Variants in COL28A1 observed in about 807,000 individuals in gnomAD.
The protein encoded by COL28A1 is collagen alpha-1(XXVIII) chain.
A neutral mutation model predicts 150.2 loss-of-function variants in COL28A1; 161 were observed. The observed-to-expected ratio is 1.07, with a 90% confidence interval of 0.94 to 1.22. The LOEUF (loss-of-function observed/expected upper bound fraction) is 1.22. Ranked by LOEUF, COL28A1 falls within the 50% of genes most tolerant of loss-of-function variation. COL28A1 has a pLI of 0.00. For synonymous variants in COL28A1, 552 were observed against 469.7 expected (o/e 1.18, Z -2.26); for missense variants, 1,617 against 1,388.3 (o/e 1.16, Z -2.62).
chr7:7,363,209 G>A (rs936573646), intron 33 of COL28A1, among the ~76,000 whole-genome samples: 1 of 152,152 alleles, frequency 6.6e-6, no homozygotes, highest in Non-Finnish European at 1.5e-5. Context: ...TTCCATTGAA[G>A]AGGCGGGCTA....
At chr7:7,463,778 G>C (rs144764729) in intron 15 of COL28A1, among the ~76,000 whole-genome samples, 1 of 152,116 alleles carries the variant, frequency 6.6e-6, no homozygotes, top group East Asian at 1.9e-4. Flanking sequence ...AGGTATATAG[G>C]CAAAAAATAG....
At chr7:7,542,704 G>T in the COL28A1 span, among the ~76,000 whole-genome samples, 3 of 152,164 alleles carry the variant, frequency 2.0e-5, no homozygotes, top group Non-Finnish European at 4.4e-5. Context: ...ACAATTTTAA[G>T]CAGGGTTGTG....
At chr7:7,395,943 T>C (rs1420544423) in intron 27 of COL28A1, among the ~76,000 whole-genome samples, 1 of 152,232 alleles carries the variant, frequency 6.6e-6, no homozygotes, top group Non-Finnish European at 1.5e-5. Flanking sequence ...AGGATTAAGA[T>C]GTTGACTTAG....
At chr7:7,433,533 C>T (rs1785129261) in intron 23 of COL28A1, among the ~76,000 whole-genome samples, 1 of 151,298 alleles carries the variant, frequency 6.6e-6, no homozygotes, top group African/African-American at 2.4e-5. Context: ...ACTCAGGAGG[C>T]TGAGGCAGGA....
chr7:7,400,072 A>C (rs1236555603), intron 27 of COL28A1, among the ~76,000 whole-genome samples: 1 of 152,238 alleles, frequency 6.6e-6, no homozygotes, highest in Non-Finnish European at 1.5e-5. Flanking sequence ...TTTTCCATTT[A>C]TCAGTTCATT....
At chr7:7,475,050 G>A (rs1399749020) in intron 14 of COL28A1, among the ~76,000 whole-genome samples, 2 of 151,976 alleles carry the variant, frequency 1.3e-5, no homozygotes, top group African/African-American at 4.8e-5. Flanking sequence ...ATCACACAAG[G>A]AAAATTTATT....
At chr7:7,478,488 T>G (rs537863850) in intron 13 of COL28A1, among the ~76,000 whole-genome samples, 1 of 152,272 alleles carries the variant, frequency 6.6e-6, no homozygotes, top group Non-Finnish European at 1.5e-5. Flanking sequence ...CTTCACCCAG[T>G]GGATCTCGCA....
chr7:7,443,938 G>C (rs1009154243), intron 19 of COL28A1, among the ~76,000 whole-genome samples: 4 of 149,122 alleles, frequency 2.7e-5, no homozygotes, highest in African/African-American at 9.9e-5. Context: ...ATTCGCATTT[G>C]GTAGATTTTT....
intron 13 of COL28A1, among the ~76,000 whole-genome samples, chr7:7,488,618 A>T (rs148388366): frequency 5.9e-5 from 9 of 152,350 alleles, no homozygotes; most frequent in Admixed American, 5.9e-4. Context: ...CTCCAACAAC[A>T]GTAAACTTCA....
At chr7:7,489,661 G>T (rs1382362119) in intron 12 of COL28A1, among the ~76,000 whole-genome samples, 1 of 152,152 alleles carries the variant, frequency 6.6e-6, no homozygotes, top group Non-Finnish European at 1.5e-5. Flanking sequence ...ATCTCTTCTT[G>T]TCCAAATGTA....
At chr7:7,527,321 C>T (rs772927064) in intron 3 of COL28A1, among the ~76,000 whole-genome samples, 4 of 152,190 alleles carry the variant, frequency 2.6e-5, no homozygotes, top group African/African-American at 4.8e-5. Flanking sequence ...GCGGGGGAGC[C>T]GCTAACAAGA....
intron 15 of COL28A1, among the ~76,000 whole-genome samples, chr7:7,470,782 T>C (rs1217189899): frequency 8.0e-6 from 1 of 125,046 alleles, no homozygotes; most frequent in African/African-American, 3.6e-5. Flanking sequence ...TATGCAGCCA[T>C]AAAAAATGAT....
intron 7 of COL28A1, 132 bp from the exon 8 acceptor site, chr7:7,515,972 T>C (rs1281312775): frequency 1.7e-6 from 1 of 580,048 alleles, no homozygotes; most frequent in African/African-American, 2.0e-5. Flanking sequence ...ATCATAGAAA[T>C]GTAAACTGTT....
At chr7:7,486,355 G>T (rs1361708091) in intron 13 of COL28A1, among the ~76,000 whole-genome samples, 3 of 152,022 alleles carry the variant, frequency 2.0e-5, no homozygotes, top group Non-Finnish European at 2.9e-5. Context: ...ATTTCTTGGG[G>T]TTTTCTATGG....
intron 17 of COL28A1, 23 bp from the exon 18 acceptor site, chr7:7,452,410 C>T: frequency 6.3e-7 from 1 of 1,578,228 alleles, no homozygotes; most frequent in Non-Finnish European, 8.5e-7. Context: ...GAGTTTAATA[C>T]AGCAGCAAAG....
chr7:7,539,731 C>A (rs1439853898), upstream of COL28A1, among the ~76,000 whole-genome samples: 1 of 152,098 alleles, frequency 6.6e-6, no homozygotes, highest in Admixed American at 6.6e-5. Context: ...TTGAGTTGAT[C>A]CTTCCACATT....
chr7:7,402,480 A>G (rs1307102089), intron 27 of COL28A1, among the ~76,000 whole-genome samples: 1 of 152,160 alleles, frequency 6.6e-6, no homozygotes, highest in Admixed American at 6.6e-5. Context: ...GAGAGACTGC[A>G]TGTAGTAATT....
chr7:7,443,623 G>C lies in COL28A1; in HGVS notation c.1612C>G (p.Pro538Ala), dbSNP rs747716544. 16 of 1,613,866 alleles carry C rather than the reference G, an allele frequency of 9.9e-6. No homozygotes were observed. The highest frequency in any genetic ancestry group is 1.2e-5 in the Non-Finnish European group (14 of 1,180,004). The change falls in exon 20 of 35, where the codon CCA becomes GCA. Residue 538 changes from proline (P) to alanine (A), a missense_variant. Pro to Ala is a conservative substitution (Grantham distance 27). Transcript: ENST00000399429. ...TGTCCTTTTCCAGGTGGTCCTTCTGGGCCTCTTGCTCCCGGAAGCCCCGCT... is the reference window on the plus strand; with the variant it reads ...TGTCCTTTTCCAGGTGGTCCTTCTGCGCCTCTTGCTCCCGGAAGCCCCGCT... ...GEAGLPGARG[P>A]EGPPGKGQPG...
At position 7,437,380 on chromosome 7, in the gene COL28A1, C is replaced by T; in HGVS notation, c.1791+14G>A. The T allele has an allele frequency of 6.2e-7, 1 of 1,603,528 alleles. No individual in the cohort carries two copies. The highest frequency in any genetic ancestry group is 8.5e-7 in the Non-Finnish European group (1 of 1,176,454). On this transcript the variant is annotated intron_variant, in intron 22 of 34. Transcript: ENST00000399429. ...AGGGTCAAGAAAAAGAAAATAATCT[C>T]CAAGAATATATACCTTTGGCCCAGG...
Sources: gnomAD v4.1 joint callset for allele counts (sites outside exome capture counted in the v4.1 genomes callset) on GRCh38, gnomAD v4.1.1 for gene constraint, MANE v1.5 for transcripts, NCBI Gene and HGNC (gene_info 2026-07-23, HGNC 2026-07-21) for gene names.